NBPF12: variants seen among roughly 807,000 people sequenced by gnomAD.
NBPF12 encodes NBPF member 12.
NBPF12 carries 115 observed loss-of-function variants against 146.4 expected under a neutral mutation model. The observed-to-expected ratio is 0.79, with a 90% CI of 0.68 to 0.92. The LOEUF (loss-of-function observed/expected upper bound fraction) is 0.92, where lower values mean the gene tolerates loss of function less well. NBPF12 is among the 40% of genes least tolerant of loss of function. The pLI is 0.00. For missense variants in NBPF12, 1,205 were observed against 1,326.8 expected, an observed-to-expected ratio of 0.91 and a Z score of 1.43; for synonymous variants, 385 against 508.9, an observed-to-expected ratio of 0.76 and a Z score of 3.28.
rs1658399387 is a variant in NBPF12, at chr1:146,994,371, C to T, written c.4170C>T (p.Val1390=). 4.3e-6 allele frequency: 7 copies of T among 1,612,338 alleles called. No individual in the cohort carries two copies. The South Asian group carries it at 7.7e-5, about 18-fold the overall frequency. The change falls in exon 34 of 34, where the codon GTC becomes GTT. Residue 1390 remains valine, a synonymous_variant. Coordinates refer to ENST00000617844, the Ensembl canonical transcript of NBPF12. ...TGATGGAAGTGGAAGAGCCTGAAGT[C>T]TTGCAGGACTCACTGGATAGATGTT...
intron 19 of NBPF12, among the ~76,000 whole-genome samples, chr1:146,979,942 G>A (rs1336668921): frequency 3.9e-5 from 4 of 103,170 alleles, no homozygotes; most frequent in African/African-American, 1.6e-4. Context: ...ATGATTGTGT[G>A]GAGTCTAAAT....
At chr1:146,940,703 A>G (rs1383456575) in intron 1 of NBPF12, among the ~76,000 whole-genome samples, 6 of 152,076 alleles carry the variant, frequency 3.9e-5, no homozygotes, top group Admixed American at 3.3e-4. Flanking sequence ...TTAGTATTAC[A>G]TATGGCTGAA....
At chr1:146,994,411 A>T in exon 34 of NBPF12, 5 of 1,612,270 alleles carry the variant, frequency 3.1e-6, no homozygotes, top group East Asian at 4.5e-5. Flanking sequence ...GACTCCATCA[A>T]TGTACTTTGA....
At chr1:146,947,721 A>G, upstream of NBPF12, among the ~76,000 whole-genome samples, 2 of 145,158 alleles carry the variant, frequency 1.4e-5, no homozygotes, top group African/African-American at 2.7e-5. Context: ...AGACTTCATT[A>G]TATTTACATT....
chr1:146,980,087 T>C (rs1173640780), intron 19 of NBPF12, among the ~76,000 whole-genome samples: 1 of 151,016 alleles, frequency 6.6e-6, no homozygotes, highest in Non-Finnish European at 1.5e-5. Flanking sequence ...TTCGTCTCTT[T>C]TGATATTTGT....
intron 11 of NBPF12, among the ~76,000 whole-genome samples, chr1:146,969,976 T>G (rs1352830233): frequency 6.6e-5 from 10 of 150,426 alleles, no homozygotes. Flanking sequence ...GAGTGAGTGA[T>G]TTATCTTTCC....
Position 146,972,820 on chromosome 1 carries a change from A to T in NBPF12, c.1661A>T (p.Lys554Met), listed in dbSNP as rs1656742598. 25 of 1,377,166 alleles carry T rather than the reference A, an allele frequency of 1.8e-5. 2 individuals carry two copies. The allele number at this position is 1,377,166 out of a possible 1,614,324, so 85.3% of individuals were successfully genotyped here. A position where few individuals can be genotyped will look rare whatever the true frequency, so the allele number is the denominator to read the frequency against. ...TCAGCCGGCCCTTTGTCCAGCGAGA[A>T]GGCAGAGATGAACATTCTAGAAATC... Residue 554 changes from lysine (K) to methionine (M), a missense_variant, in exon 14 of 34, where the codon AAG (lysine) becomes ATG (methionine). Coordinates refer to ENST00000617844, the Ensembl canonical transcript of NBPF12.
At chr1:146,978,284 C>T (rs1162774666) in intron 18 of NBPF12, among the ~76,000 whole-genome samples, 16 of 55,664 alleles carry the variant, frequency 2.9e-4, no homozygotes, top group Admixed American at 6.9e-4. Flanking sequence ...TTTTTTTTTG[C>T]GATGGAGTCC....
At chr1:146,945,982 A>G (rs1655041512), upstream of NBPF12, among the ~76,000 whole-genome samples, 3 of 151,580 alleles carry the variant, frequency 2.0e-5, no homozygotes, top group Admixed American at 1.3e-4. Flanking sequence ...ACAACCACTC[A>G]TCGTTTTACT....
chr1:146,976,903 C>T, intron 16 of NBPF12, 26 bp from the exon 20 acceptor site: 1 of 646,078 alleles, frequency 1.5e-6, no homozygotes, highest in Non-Finnish European at 2.8e-6. Context: ...TGGGAAATAT[C>T]TGAATGAACA....
At chr1:146,962,185 T>A in exon 5 of NBPF12, 1 of 1,608,850 alleles carries the variant, frequency 6.2e-7, no homozygotes, top group South Asian at 1.1e-5. Context: ...AAAGACCTCA[T>A]AAAATTTATG....
chr1:146,960,220 C>T (rs1286308373), exon 4 of NBPF12: 1 of 1,122,982 alleles, frequency 8.9e-7, no homozygotes, highest in East Asian at 2.4e-5. Context: ...AAATTGCGCC[C>T]CCAGTTGGCA....
At chr1:146,970,120 G>T (rs1399460048) in intron 11 of NBPF12, among the ~76,000 whole-genome samples, 1 of 150,624 alleles carries the variant, frequency 6.6e-6, no homozygotes, top group Non-Finnish European at 1.5e-5. Flanking sequence ...GTTGGGGAAG[G>T]CACTTGATGT....
At chr1:146,985,097 G>A (rs1559528626) in intron 22 of NBPF12, 112 bp downstream of exon 25, 1 of 657,442 alleles carries the variant, frequency 1.5e-6, no homozygotes, top group Non-Finnish European at 2.7e-6. Flanking sequence ...CCACAGGGAG[G>A]ACCTATAGGC....
chr1:146,984,268 A>C lies in NBPF12; in HGVS notation c.2666+83A>C, dbSNP rs1165742531. 5.5e-4 allele frequency: 461 copies of C among 834,114 alleles called. 3 individuals carry two copies. In the African/African-American group the frequency reaches 6.2e-3, roughly 11 times the overall value. 51.7% of individuals were successfully genotyped at this position (834,114 alleles called of 1,614,324 possible). On this transcript the variant is annotated intron_variant, in intron 21 of 33. Transcript: ENST00000617844. ...CCAGGGAAAACAGTACACGCTGAAA[A>C]TAATGATTTTGTCTTGTCAGACAAG...
At chr1:146,978,585 G>A (rs1272836303) in intron 18 of NBPF12, among the ~76,000 whole-genome samples, 3 of 151,926 alleles carry the variant, frequency 2.0e-5, no homozygotes, top group Non-Finnish European at 4.4e-5. Context: ...CGTGTTTCAT[G>A]TATAGATGCC....
intron 14 of NBPF12, among the ~76,000 whole-genome samples, 171 bp downstream of exon 17, chr1:146,973,131 T>C (rs1656762285): frequency 6.6e-6 from 1 of 150,514 alleles, no homozygotes; most frequent in Admixed American, 6.6e-5. Flanking sequence ...GGTACCAAAG[T>C]ATTTAGCAAC....
At chr1:146,989,184 C>T (rs1219470453) in intron 27 of NBPF12, among the ~76,000 whole-genome samples, 1 of 120,096 alleles carries the variant, frequency 8.3e-6, no homozygotes, top group African/African-American at 3.0e-5. Flanking sequence ...CTCATGGCCA[C>T]TGCATCGAAT....
intron 13 of NBPF12, among the ~76,000 whole-genome samples, chr1:146,972,281 A>G (rs1391395975): frequency 1.4e-5 from 2 of 142,122 alleles, no homozygotes; most frequent in African/African-American, 5.3e-5. Flanking sequence ...GTAATCCCAG[A>G]TGCTTGGCAG....
Sources: gnomAD v4.1 joint callset for allele counts (sites outside exome capture counted in the v4.1 genomes callset) on GRCh38, gnomAD v4.1.1 for gene constraint, MANE v1.5 for transcripts, NCBI Gene and HGNC (gene_info 2026-07-23, HGNC 2026-07-21) for gene names.